Variants in BCAR1 observed in about 807,000 individuals in gnomAD.
BCAR1 encodes the protein breast cancer anti-estrogen resistance protein 1.
A neutral mutation model predicts 67.6 loss-of-function variants in BCAR1; 30 were observed. That is an observed-to-expected ratio of 0.44 (90% CI 0.33 to 0.60). The LOEUF is 0.60. Among genes scored for constraint, BCAR1 ranks in the 20% least tolerant of loss-of-function variants. The pLI is 0.02. For missense variants in BCAR1, 1,313 were observed against 1,222.3 expected, an observed-to-expected ratio of 1.07 and a Z score of -1.11; for synonymous variants, 626 against 556.7, an observed-to-expected ratio of 1.12 and a Z score of -1.75.
At position 75,235,289 on chromosome 16, in the gene BCAR1, A is replaced by G. The variant is rs377566266; in HGVS notation, c.1610T>C (p.Leu537Pro). 1 of 1,605,968 alleles carries G rather than the reference A, an allele frequency of 6.2e-7. No individual in the cohort carries two copies. Among genetic ancestry groups the G allele is most frequent in the African/African-American group, 1.3e-5 (1 of 74,784 alleles). ...CAGCTGCCGGCTAAGCTTGGCATGC[A>G]GGGCACGGTCAGATGTGTGGGCAGC... Reference protein sequence around the residue: ...GNAAHTSDRALHAKLSRQLQK... With the variant: ...GNAAHTSDRAPHAKLSRQLQK... The change falls in exon 5 of 7, where the codon CTG (leucine) becomes CCG (proline). Residue 537 changes from leucine (L) to proline (P), a missense_variant. By Grantham distance (98) the Leu-to-Pro change is moderately conservative (BLOSUM62 -3). Coordinates refer to ENST00000162330, the MANE Select transcript of BCAR1 (RefSeq NM_014567.5).
chr16:75,235,029 T>C lies in BCAR1; in HGVS notation c.1870A>G (p.Asn624Asp). Residue 624 changes from asparagine (N) to aspartate (D), a missense_variant, in exon 5 of 7, where the codon AAC (asparagine) becomes GAC (aspartate). This residue lies in a region of BCAR1 where 1,272 missense variants were observed against 1,137.5 expected (regional missense o/e 1.12). Coordinates refer to ENST00000162330, the MANE Select transcript of BCAR1 (RefSeq NM_014567.5). ...GPEGGGTLHP[N>D]PTDKTSSIQS... ...ATGCTGCTGGTCTTGTCAGTGGGGTTGGGGTGCAGGGTGCCACCCCCCTCA... is the reference window on the plus strand; with the variant it reads ...ATGCTGCTGGTCTTGTCAGTGGGGTCGGGGTGCAGGGTGCCACCCCCCTCA... 6.2e-7 allele frequency: 1 copy of C among 1,613,174 alleles called. No homozygotes were observed. Among genetic ancestry groups the C allele is most frequent in the Non-Finnish European group, 8.5e-7 (1 of 1,179,906 alleles).
intron 2 of BCAR1, chr16:75,238,281 C>T (rs1408249401): frequency 2.6e-6 from 3 of 1,161,828 alleles, no homozygotes; most frequent in East Asian, 7.3e-5. Flanking sequence ...TGGGATTCTC[C>T]AGCCCCCGGG....
chr16:75,253,077 G>T (rs982628359), upstream of BCAR1, among the ~76,000 whole-genome samples: 4 of 152,240 alleles, frequency 2.6e-5, no homozygotes, highest in Non-Finnish European at 4.4e-5. Context: ...AGGAGGAACA[G>T]AACAGCTAGC....
chr16:75,229,549 G>T lies in BCAR1; in HGVS notation c.2575C>A (p.Gln859Lys). The T allele has an allele frequency of 6.2e-7, 1 of 1,603,144 alleles. No homozygotes were observed. ...RVKELGHSTQ[Q>K]FRRVLGQLAA... Reference sequence around the variant, plus strand: ...AGCTGGCCTAGGACGCGGCGGAACTGCTGGGTGCTGTGGCCCAGCTCCTTG... The same window carrying T: ...AGCTGGCCTAGGACGCGGCGGAACTTCTGGGTGCTGTGGCCCAGCTCCTTG... The change falls in exon 7 of 7, where the codon CAG becomes AAG. Residue 859 changes from glutamine (Q) to lysine (K), a missense_variant. Physicochemically the swap from Gln to Lys is moderately conservative, Grantham distance 53 (BLOSUM62 1). Around this residue, in one of 2 missense-constraint regions of BCAR1, gnomAD observed 1,272 missense variants for 1,137.5 expected, o/e 1.12. Coordinates refer to ENST00000162330, the MANE Select transcript of BCAR1 (RefSeq NM_014567.5).
intron 1 of BCAR1, chr16:75,267,854 G>T (rs1567630178): frequency 1.3e-6 from 2 of 1,533,720 alleles, no homozygotes; most frequent in Admixed American, 3.9e-5. Context: ...GCTTATTTAG[G>T]GCATCAGTAA....
At chr16:75,243,299 A>T (rs544073925) in intron 1 of BCAR1, among the ~76,000 whole-genome samples, 7 of 152,096 alleles carry the variant, frequency 4.6e-5, no homozygotes, top group African/African-American at 1.4e-4. Context: ...CTTTCTTTCA[A>T]CTGCACCTGT....
intron 4 of BCAR1, chr16:75,236,574 T>G: frequency 2.2e-6 from 1 of 458,144 alleles, no homozygotes; most frequent in South Asian, 5.7e-5. Context: ...CCCCACATAA[T>G]TACTAGTCCC....
chr16:75,246,488 C>G (rs982473259), intron 1 of BCAR1: 2 of 152,192 alleles, frequency 1.3e-5, no homozygotes, highest in African/African-American at 4.8e-5. Flanking sequence ...ACGGCCTCCC[C>G]AAAGAGATGA....
intron 1 of BCAR1, chr16:75,263,386 C>T (rs1242939393): frequency 1.7e-5 from 17 of 985,318 alleles, no homozygotes; most frequent in South Asian, 1.4e-4. Context: ...AGGCCCAGAG[C>T]GCTGGGCGAG....
At chr16:75,243,889 C>T (rs1012385037) in intron 1 of BCAR1, among the ~76,000 whole-genome samples, 3 of 152,236 alleles carry the variant, frequency 2.0e-5, no homozygotes, top group African/African-American at 7.2e-5. Context: ...CCTGCCGCTG[C>T]TGCCCCATCG....
Position 75,229,935 on chromosome 16 carries a change from G to C in BCAR1, c.2189C>G (p.Pro730Arg). Reference sequence around the variant, plus strand: ...GGGCCCCAGGCCGCCTGTTCGCCCCGGGGCCAGGGGTTGGGCTGGCGTCCA... The same window carrying C: ...GGGCCCCAGGCCGCCTGTTCGCCCCCGGGCCAGGGGTTGGGCTGGCGTCCA... Reference protein sequence around the residue: ...ANWTPAQPLAPGRTGGLGPSD... With the variant: ...ANWTPAQPLARGRTGGLGPSD... Residue 730 changes from proline to arginine, a missense_variant, in exon 7 of 7, where the codon CCG becomes CGG. Pro to Arg is a moderately radical substitution (Grantham distance 103, BLOSUM62 -2). This residue lies in a region of BCAR1 where 1,272 missense variants were observed against 1,137.5 expected (regional missense o/e 1.12). Transcript: ENST00000162330. 7.5e-6 allele frequency: 12 copies of C among 1,604,486 alleles called. No homozygotes were observed. Among genetic ancestry groups the C allele is most frequent in the Non-Finnish European group, 1.0e-5 (12 of 1,173,402 alleles).
intron 5 of BCAR1, among the ~76,000 whole-genome samples, chr16:75,234,281 G>T (rs898468727): frequency 5.3e-5 from 8 of 151,978 alleles, no homozygotes; most frequent in African/African-American, 1.9e-4. Context: ...TGGCTTCCTA[G>T]GAAGCAACCC....
chr16:75,267,394 C>CGGGGGGGGG (rs66513768), intron 1 of BCAR1, among the ~76,000 whole-genome samples: 1 of 124,812 alleles, frequency 8.0e-6, no homozygotes, highest in Non-Finnish European at 1.6e-5. Context: ...CACAGCAAGC[C>CGGGGGGGGG]GGGGGGGGGG....
At chr16:75,247,589 A>G (rs2077558573) in intron 1 of BCAR1, 1 of 166,882 alleles carries the variant, frequency 6.0e-6, no homozygotes, top group Admixed American at 5.8e-5. Flanking sequence ...CTGTCCCCAA[A>G]CTCCTTCTCT....
intron 1 of BCAR1, among the ~76,000 whole-genome samples, chr16:75,261,261 A>AGCCAAG (rs995260019): frequency 6.6e-6 from 1 of 152,234 alleles, no homozygotes; most frequent in Non-Finnish European, 1.5e-5. Flanking sequence ...GCTGCAGCAA[A>AGCCAAG]GCCAAGGCCA....
chr16:75,263,164 G>T (rs2077941654), intron 1 of BCAR1: 11 of 971,490 alleles, frequency 1.1e-5, no homozygotes, highest in Non-Finnish European at 1.2e-5. Flanking sequence ...GAGCTGGAGT[G>T]GCCACACTCA....
rs779902357 is a variant in BCAR1, at chr16:75,229,267, C to T, written c.*244G>A. The T allele has an allele frequency of 1.4e-5, 8 of 559,726 alleles. No homozygotes were observed. Among genetic ancestry groups the T allele is most frequent in the South Asian group, 6.2e-5 (2 of 32,192 alleles). 34.7% of individuals were successfully genotyped at this position (559,726 alleles called of 1,614,324 possible). ...TCCAGCCCCGTCTGGTGACCCAACC[C>T]GGGCCCGTGGTGCATGCTGGGGAAG... On this transcript the variant is annotated 3_prime_UTR_variant, in exon 7 of 7. Coordinates refer to ENST00000162330, the MANE Select transcript of BCAR1 (RefSeq NM_014567.5).
chr16:75,256,981 C>T (rs1292689754), intron 1 of BCAR1, among the ~76,000 whole-genome samples: 3 of 152,124 alleles, frequency 2.0e-5, no homozygotes, highest in Non-Finnish European at 2.9e-5. Context: ...AATCTGCGCC[C>T]TATGGCAGAG....
rs955673565 is a variant in BCAR1 at position 75,229,251 on chromosome 16, G to A, written c.*260C>T. 12 of 490,998 alleles carry A rather than the reference G, an allele frequency of 2.4e-5. No individual in the cohort carries two copies. Among genetic ancestry groups the A allele is most frequent in the East Asian group, 1.4e-4 (4 of 28,222 alleles). The allele number at this position is 490,998 out of a possible 1,614,324, so 30.4% of individuals were successfully genotyped here. A position where few individuals can be genotyped will look rare whatever the true frequency, so the allele number is the denominator to read the frequency against. On this transcript the variant is annotated 3_prime_UTR_variant, in exon 7 of 7. Transcript: ENST00000162330. ...TGCAGGACCCTCACACTCCAGCCCC[G>A]TCTGGTGACCCAACCCGGGCCCGTG...
Sources: gnomAD v4.1 joint callset for allele counts (sites outside exome capture counted in the v4.1 genomes callset) on GRCh38, gnomAD v4.1.1 for gene constraint, gnomAD v4.1.1 regional missense constraint, MANE v1.5 for transcripts, NCBI Gene and HGNC (gene_info 2026-07-23, HGNC 2026-07-21) for gene names.